The following HERC3 variants were observed in gnomAD, a reference collection of about 807,000 sequenced individuals.
HERC3 encodes the protein HECT and RLD domain containing E3 ubiquitin protein ligase 3.
In HERC3, 58 loss-of-function variants were observed where a neutral mutation model predicts 129.9. The ratio of observed to expected loss-of-function variants is 0.45; its 90% CI spans 0.36 to 0.56. The LOEUF is 0.56. HERC3 is among the 20% of genes least tolerant of loss of function. HERC3 has a pLI of 0.00. For synonymous variants in HERC3, 430 were observed against 451.0 expected, an observed-to-expected ratio of 0.95 and a Z score of 0.59; for missense variants, 835 against 1,244.2, an observed-to-expected ratio of 0.67 and a Z score of 4.95.
intron 3 of HERC3, among the ~76,000 whole-genome samples, chr4:88,635,068 T>A (rs1352203773): frequency 6.6e-6 from 1 of 151,636 alleles, no homozygotes; most frequent in Non-Finnish European, 1.5e-5. Context: ...AAAAAAACGC[T>A]GAAAACCCAA....
At chr4:88,634,707 C>T (rs1046703923) in intron 3 of HERC3, among the ~76,000 whole-genome samples, 3 of 151,444 alleles carry the variant, frequency 2.0e-5, no homozygotes, top group African/African-American at 7.3e-5. Context: ...CCCCCGCCCC[C>T]GCCAACAGGG....
intron 2 of HERC3, among the ~76,000 whole-genome samples, chr4:88,601,785 G>C (rs1039331800): frequency 0.19 from 24,855 of 130,818 alleles, 5,704 homozygotes; most frequent in African/African-American, 0.57. Context: ...GGCCGGGCGC[G>C]GTGGCTTACG....
chr4:88,589,338 C>T (rs1233267977), upstream of HERC3, among the ~76,000 whole-genome samples: 4 of 152,172 alleles, frequency 2.6e-5, no homozygotes. Context: ...TTGCCTCAGC[C>T]TGTAACCCAA....
Position 88,655,314 on chromosome 4 carries a change from C to G in HERC3, c.908+10C>G. 1 of 1,612,620 alleles carries G rather than the reference C, an allele frequency of 6.2e-7. No individual in the cohort carries two copies. Among genetic ancestry groups the G allele is most frequent in the East Asian group, 2.2e-5 (1 of 44,812 alleles). On this transcript the variant is annotated intron_variant, in intron 8 of 25. Coordinates refer to ENST00000402738, the MANE Select transcript of HERC3 (RefSeq NM_014606.3). ...AAATTGCTTGTGGCAGGTGAGTGTT[C>G]CTCAAAGCTTGCTTGTATTCACTAG...
the HERC3 span, among the ~76,000 whole-genome samples, chr4:88,572,936 G>T: frequency 5.3e-5 from 8 of 152,174 alleles, no homozygotes; most frequent in African/African-American, 1.9e-4. Context: ...TTGGTTAACA[G>T]ATTCTCTTAT....
At chr4:88,531,622 T>C in the HERC3 span, among the ~76,000 whole-genome samples, 1 of 152,162 alleles carries the variant, frequency 6.6e-6, no homozygotes, top group Admixed American at 6.5e-5. Context: ...CTCTCAACCC[T>C]CCTATTTGAA....
chr4:88,676,305 A>T, intron 17 of HERC3, 29 bp from the exon 18 acceptor site: 1 of 1,572,334 alleles, frequency 6.4e-7, no homozygotes, highest in Non-Finnish European at 8.8e-7. Flanking sequence ...GGAATAGTAT[A>T]ATACTGTCAA....
chr4:88,654,078 C>A lies in HERC3; in HGVS notation c.722C>A (p.Thr241Lys). ...CCATGCCATGTAAAACTCTTACGCACGCAAAAAGTTGTCTATATTAGTTGT... is the reference window on the plus strand; with the variant it reads ...CCATGCCATGTAAAACTCTTACGCAAGCAAAAAGTTGTCTATATTAGTTGT... ...ESPCHVKLLR[T>K]QKVVYISCGE... Residue 241 changes from threonine to lysine, a missense_variant, in exon 7 of 26, where the codon ACG becomes AAG. Coordinates refer to ENST00000402738, the MANE Select transcript of HERC3 (RefSeq NM_014606.3). The A allele has an allele frequency of 6.2e-7, 1 of 1,612,838 alleles. No homozygotes were observed. Among genetic ancestry groups the A allele is most frequent in the Non-Finnish European group, 8.5e-7 (1 of 1,179,210 alleles).
intron 9 of HERC3, among the ~76,000 whole-genome samples, chr4:88,658,066 C>T (rs1192690794): frequency 1.3e-5 from 2 of 152,128 alleles, no homozygotes; most frequent in Non-Finnish European, 2.9e-5. Flanking sequence ...CCTGGGCCCA[C>T]CACACTCACA....
chr4:88,701,348 G>T (rs571840199), intron 23 of HERC3, among the ~76,000 whole-genome samples: 14 of 152,304 alleles, frequency 9.2e-5, no homozygotes, highest in Admixed American at 2.6e-4. Flanking sequence ...ACCCCTGTCT[G>T]CCTCACTTAT....
rs1193541313 is a variant in HERC3, at chr4:88,664,819, C to G, written c.1331+607C>G. On this transcript the variant is annotated intron_variant, in intron 12 of 25. Transcript: ENST00000402738. ...AATTCTAAGGAGGCTTCAGGGGCTC[C>G]TTGGATTTAGGTCCAGCCCAGCTCA... Among the ~76,000 whole-genome samples the G allele has an allele frequency of 2.6e-5, 4 of 152,046 alleles. No individual in the cohort carries two copies. In the East Asian group the frequency reaches 7.7e-4, roughly 29 times the overall value.
the HERC3 span, among the ~76,000 whole-genome samples, chr4:88,570,907 C>T: frequency 6.6e-6 from 1 of 151,644 alleles, no homozygotes; most frequent in Non-Finnish European, 1.5e-5. Context: ...GCGCCCACCA[C>T]CACCCCCAGC....
At chr4:88,697,392 T>C in intron 23 of HERC3, 1 of 1,614,106 alleles carries the variant, frequency 6.2e-7, no homozygotes, top group Non-Finnish European at 8.5e-7. Flanking sequence ...CGGTGAGCTC[T>C]TGGATCTTGG....
At chr4:88,647,416 G>A (rs1213761161) in intron 3 of HERC3, among the ~76,000 whole-genome samples, 1 of 152,176 alleles carries the variant, frequency 6.6e-6, no homozygotes, top group Admixed American at 6.5e-5. Context: ...TAGGCCCCAG[G>A]TCTAGAGAAC....
At chr4:88,543,943 G>A in the HERC3 span, among the ~76,000 whole-genome samples, 3 of 152,160 alleles carry the variant, frequency 2.0e-5, no homozygotes, top group Non-Finnish European at 4.4e-5. Context: ...AGACTTAAAT[G>A]TAAGATCTAA....
At chr4:88,654,381 TATATATAC>T (rs1560723882) in intron 7 of HERC3, among the ~76,000 whole-genome samples, 160 of 100,836 alleles carry the variant, frequency 1.6e-3, no homozygotes, top group Non-Finnish European at 3.1e-3. Flanking sequence ...TATATATATA[TATATATAC>T]ACACACACAC....
At chr4:88,536,413 C>T in the HERC3 span, among the ~76,000 whole-genome samples, 1 of 152,096 alleles carries the variant, frequency 6.6e-6, no homozygotes, top group Non-Finnish European at 1.5e-5. Flanking sequence ...GGGAATTGAC[C>T]ATCAATCCCT....
In HERC3 at chr4:88,674,946, A is replaced by C. The variant is rs575717792; in HGVS notation, c.1912-1272A>C. Among the ~76,000 whole-genome samples, 3 of 152,334 alleles carry C rather than the reference A, an allele frequency of 2.0e-5. No individual in the cohort carries two copies. In the East Asian group the frequency reaches 5.8e-4, roughly 29 times the overall value. ...TGATTTTATTTAAATATCCATAAGG[A>C]CAAGAGGAGGCACATGCTGCTTATT... On this transcript the variant is annotated intron_variant, in intron 16 of 25. Transcript: ENST00000402738.
chr4:88,589,060 ATG>A (rs368954233), upstream of HERC3, among the ~76,000 whole-genome samples: 39 of 150,490 alleles, frequency 2.6e-4, no homozygotes, highest in African/African-American at 2.9e-4. Flanking sequence ...TTATGGTTAT[ATG>A]TGTGTGTGTG....
Sources: gnomAD v4.1 joint callset for allele counts (sites outside exome capture counted in the v4.1 genomes callset) on GRCh38, gnomAD v4.1.1 for gene constraint, MANE v1.5 for transcripts, NCBI Gene and HGNC (gene_info 2026-07-23, HGNC 2026-07-21) for gene names.